CD244: variants seen among roughly 807,000 people sequenced by gnomAD.
CD244 encodes natural killer cell receptor 2B4.
Under a neutral mutation model 45.5 loss-of-function variants are expected in CD244, and 20 were observed. That is an observed-to-expected ratio of 0.44 (90% CI 0.31 to 0.64). The LOEUF is 0.64. CD244 is among the 30% of genes least tolerant of loss of function. The pLI, the probability that CD244 is intolerant of heterozygous loss-of-function variation, is 0.08. For synonymous variants in CD244, 185 were observed against 160.5 expected, an observed-to-expected ratio of 1.15 and a Z score of -1.15; for missense variants, 407 against 426.9, an observed-to-expected ratio of 0.95 and a Z score of 0.41.
chr1:160,856,825 C>T (rs533163201), intron 1 of CD244, among the ~76,000 whole-genome samples: 100 of 151,924 alleles, frequency 6.6e-4, no homozygotes, highest in Admixed American at 2.2e-3. Context: ...AATGGTATTA[C>T]AGCAAACTAA....
intron 1 of CD244, among the ~76,000 whole-genome samples, chr1:160,859,642 C>G (rs115565376): frequency 6.6e-6 from 1 of 151,532 alleles, no homozygotes; most frequent in Non-Finnish European, 1.5e-5. Flanking sequence ...CATGATGGCT[C>G]ACACTTGTAG....
At chr1:160,860,194 C>T (rs1571126667) in intron 1 of CD244, among the ~76,000 whole-genome samples, 2 of 151,936 alleles carry the variant, frequency 1.3e-5, no homozygotes, top group African/African-American at 2.4e-5. Context: ...GGCCACAGAG[C>T]GAGACTCCAT....
At chr1:160,835,202 T>C (rs1045720570) in intron 6 of CD244, among the ~76,000 whole-genome samples, 2 of 152,152 alleles carry the variant, frequency 1.3e-5, no homozygotes, top group Admixed American at 6.5e-5. Flanking sequence ...ATCAATGTCA[T>C]TTTAGCCATC....
Position 160,838,994 on chromosome 1 carries a change from A to G in CD244, c.711T>C (p.Leu237=). 6.2e-7 allele frequency: 1 copy of G among 1,614,116 alleles called. No homozygotes were observed. Among genetic ancestry groups the G allele is most frequent in the Non-Finnish European group, 8.5e-7 (1 of 1,179,984 alleles). Residue 237 remains leucine, a synonymous_variant, in exon 4 of 9, where the codon CTT becomes CTC. Coordinates refer to ENST00000368034, the MANE Select transcript of CD244 (RefSeq NM_016382.4). ...ACACACAGAAGCAGGCAAGGGTGCCAAGGAACAGTGCGCTTAGAATCACGA... is the reference window on the plus strand; with the variant it reads ...ACACACAGAAGCAGGCAAGGGTGCCGAGGAACAGTGCGCTTAGAATCACGA... ...VIIVILSALF[L]GTLACFCVWR...
At chr1:160,845,624 G>A (rs957806983) in intron 1 of CD244, among the ~76,000 whole-genome samples, 3 of 152,146 alleles carry the variant, frequency 2.0e-5, no homozygotes, top group Non-Finnish European at 4.4e-5. Context: ...GGGAGGCCCA[G>A]GTGGATGGAT....
intron 1 of CD244, among the ~76,000 whole-genome samples, chr1:160,842,919 G>A (rs1293631589): frequency 6.6e-6 from 1 of 152,148 alleles, no homozygotes; most frequent in African/African-American, 2.4e-5. Flanking sequence ...GCATGGCCCA[G>A]CAGGTGCAGG....
At position 160,839,042 on chromosome 1, in the gene CD244, T is replaced by C; in HGVS notation, c.663A>G (p.Arg221=). 6.2e-7 allele frequency: 1 copy of C among 1,612,686 alleles called. No individual in the cohort carries two copies. Among genetic ancestry groups the C allele is most frequent in the African/African-American group, 1.3e-5 (1 of 74,956 alleles). ...CGATGATCACCAAAAACGGCCAAAATCTGAATTCTGAGGAATACAGAAGGC... is the reference window on the plus strand; with the variant it reads ...CGATGATCACCAAAAACGGCCAAAACCTGAATTCTGAGGAATACAGAAGGC... The part of the protein sequence containing the change: ...QDCQNAHQEF[R]FWPFLVIIVI... Residue 221 remains arginine, a synonymous_variant, in exon 4 of 9, where the codon AGA becomes AGG. Coordinates refer to ENST00000368034, the MANE Select transcript of CD244 (RefSeq NM_016382.4).
intron 1 of CD244, among the ~76,000 whole-genome samples, chr1:160,860,651 A>G (rs1442363173): frequency 6.6e-6 from 1 of 152,252 alleles, no homozygotes; most frequent in Admixed American, 6.5e-5. Flanking sequence ...TGGTTCAGCA[A>G]AAATTATTGT....
At chr1:160,857,436 C>T (rs1046690386) in intron 1 of CD244, among the ~76,000 whole-genome samples, 3 of 152,072 alleles carry the variant, frequency 2.0e-5, no homozygotes, top group Admixed American at 6.6e-5. Flanking sequence ...TATAGTCATG[C>T]GATAAAATAC....
chr1:160,849,934 C>G (rs1210393856), intron 1 of CD244, among the ~76,000 whole-genome samples: 3 of 152,074 alleles, frequency 2.0e-5, no homozygotes, highest in African/African-American at 7.2e-5. Context: ...ATCACTTGAA[C>G]CCGGGAAGCG....
At chr1:160,852,129 A>G (rs977640842) in intron 1 of CD244, among the ~76,000 whole-genome samples, 3 of 152,222 alleles carry the variant, frequency 2.0e-5, no homozygotes, top group Non-Finnish European at 4.4e-5. Context: ...AAAAAAAGCA[A>G]CAGACTTGGG....
At chr1:160,852,194 CCAA>C (rs1265452906) in intron 1 of CD244, among the ~76,000 whole-genome samples, 21 of 152,108 alleles carry the variant, frequency 1.4e-4, no homozygotes, top group African/African-American at 4.8e-4. Flanking sequence ...ATAAGGGTGC[CCAA>C]CAACATTAGT....
At chr1:160,861,591 A>C (rs1026146563) in intron 1 of CD244, among the ~76,000 whole-genome samples, 2 of 152,006 alleles carry the variant, frequency 1.3e-5, no homozygotes, top group Non-Finnish European at 2.9e-5. Context: ...AGCACTTTGG[A>C]TGGGGGAGAC....
chr1:160,858,793 T>C (rs755683148), intron 1 of CD244, among the ~76,000 whole-genome samples: 2 of 152,174 alleles, frequency 1.3e-5, no homozygotes, highest in African/African-American at 4.8e-5. Context: ...GAATCCTCAA[T>C]AGCCCTGGTT....
intron 1 of CD244, among the ~76,000 whole-genome samples, chr1:160,849,294 T>TTTTG (rs1164567589): frequency 6.6e-6 from 1 of 151,754 alleles, no homozygotes. Context: ...TTTTTTTTTT[T>TTTTG]TTTGTTTTAC....
chr1:160,857,640 C>T (rs1005147689), intron 1 of CD244, among the ~76,000 whole-genome samples: 8 of 152,184 alleles, frequency 5.3e-5, no homozygotes, highest in African/African-American at 1.9e-4. Flanking sequence ...TGGGAGAGAA[C>T]ATGTGGTAGA....
chr1:160,848,220 A>G (rs550577133), intron 1 of CD244: 2 of 546,138 alleles, frequency 3.7e-6, no homozygotes, highest in East Asian at 9.6e-5. Flanking sequence ...ACACACCATA[A>G]TGGCACTGGT....
In CD244 at chr1:160,841,740, G is replaced by T. The variant is rs760755746; in HGVS notation, c.223C>A (p.Pro75Thr). The stretch of plus-strand genomic sequence containing the variant: ...AATCTATCATTGGAAGTATTGGAAG[G>T]CAAAGAGCCATTCTCCCACTTCAAT... ...HILKWENGSL[P>T]SNTSNDRFSF... Residue 75 changes from proline to threonine, a missense_variant, in exon 2 of 9, where the codon CCT becomes ACT. Coordinates refer to ENST00000368034, the MANE Select transcript of CD244 (RefSeq NM_016382.4). 8.1e-5 allele frequency: 130 copies of T among 1,614,054 alleles called. No individual in the cohort carries two copies. Among genetic ancestry groups the T allele is most frequent in the Non-Finnish European group, 1.0e-4 (123 of 1,180,034 alleles).
chr1:160,836,790 G>A (rs1057206331), intron 5 of CD244, among the ~76,000 whole-genome samples: 5 of 152,102 alleles, frequency 3.3e-5, no homozygotes, highest in African/African-American at 1.2e-4. Context: ...CTACCCCTTA[G>A]GAAATCGGTG....
Sources: gnomAD v4.1 joint callset for allele counts (sites outside exome capture counted in the v4.1 genomes callset) on GRCh38, gnomAD v4.1.1 for gene constraint, MANE v1.5 for transcripts, NCBI Gene and HGNC (gene_info 2026-07-23, HGNC 2026-07-21) for gene names.